ERCC6: variants seen among roughly 807,000 people sequenced by gnomAD.
ERCC6 encodes the protein ERCC excision repair 6, chromatin remodeling factor.
Under a neutral mutation model 158.7 loss-of-function variants are expected in ERCC6, and 116 were observed. The ratio of observed to expected loss-of-function variants is 0.73; its 90% CI spans 0.63 to 0.85. The LOEUF is 0.85. Ranked by LOEUF, ERCC6 falls within the 40% of genes least tolerant of loss-of-function variation. ERCC6 has a pLI of 0.00. For synonymous variants in ERCC6, 678 were observed against 659.3 expected (o/e 1.03, Z -0.43); for missense variants, 1,698 against 1,799.4 (o/e 0.94, Z 1.02).
intron 5 of ERCC6, among the ~76,000 whole-genome samples, chr10:49,513,122 C>T (rs1349563999): frequency 6.6e-6 from 1 of 152,096 alleles, no homozygotes; most frequent in Non-Finnish European, 1.5e-5. Context: ...TGATGTATGC[C>T]AAATATCTTA....
chr10:49,472,343 G>T, intron 16 of ERCC6, 33 bp downstream of exon 16: 1 of 1,580,238 alleles, frequency 6.3e-7, no homozygotes, highest in South Asian at 1.1e-5. Flanking sequence ...CTCTGGGAAC[G>T]CACAGCCAAG....
At position 49,459,242 on chromosome 10, in the gene ERCC6, A is replaced by G. The variant is rs1215137876; in HGVS notation, c.4063-8T>C. 1.2e-6 allele frequency: 2 copies of G among 1,613,746 alleles called. No homozygotes were observed. Among genetic ancestry groups the G allele is most frequent in the Admixed American group, 3.3e-5 (2 of 60,008 alleles). On this transcript the variant is annotated splice_polypyrimidine_tract_variant and splice_region_variant and intron_variant, in intron 20 of 20. Transcript: ENST00000355832. ...CTTTTTCATGATGCCATCCTATAAA[A>G]AGAAGACCACTATACTGATATATTT...
rs4253050 is a variant in ERCC6, at chr10:49,523,802, C to G, written c.1397+231G>C. On this transcript the variant is annotated intron_variant, in intron 5 of 20. Coordinates refer to ENST00000355832, the MANE Select transcript of ERCC6 (RefSeq NM_000124.4). ...CTTCCCTTAAGTTTTTCATCTTAGA[C>G]TTGCCTCCAAATCCAACTAAAGACC... is the stretch of plus-strand genomic sequence containing the variant. Among the ~76,000 whole-genome samples the G allele has an allele frequency of 0.015, 2,223 of 152,124 alleles. 48 individuals carry two copies. The highest frequency in any genetic ancestry group is 0.049 in the African/African-American group (2,053 of 41,482).
chr10:49,498,345 A>G (rs928678638), intron 7 of ERCC6, among the ~76,000 whole-genome samples: 1 of 152,234 alleles, frequency 6.6e-6, no homozygotes, highest in Non-Finnish European at 1.5e-5. Flanking sequence ...CAATGAGGCA[A>G]TAACAGCTCA....
chr10:49,441,987 T>C, the ERCC6 span, among the ~76,000 whole-genome samples: 1 of 152,086 alleles, frequency 6.6e-6, no homozygotes, highest in Non-Finnish European at 1.5e-5. Context: ...AACGGCCTCC[T>C]CCTCCAGGAC....
At chr10:49,537,111 C>T (rs537371877) in intron 1 of ERCC6, among the ~76,000 whole-genome samples, 1 of 151,944 alleles carries the variant, frequency 6.6e-6, no homozygotes, top group Non-Finnish European at 1.5e-5. Context: ...TTTGGGAGGC[C>T]GAGGCGGGAG....
Position 49,506,090 on chromosome 10 carries a change from C to T in ERCC6, c.1398-78G>A, listed in dbSNP as rs868807635. On this transcript the variant is annotated intron_variant, in intron 5 of 20. Coordinates refer to ENST00000355832, the MANE Select transcript of ERCC6 (RefSeq NM_000124.4). ...TAAAAAGATAGCTCCTGATAATGTA[C>T]AAGAAAAAACAGGCAAATTAGAACG... The T allele has an allele frequency of 1.3e-6, 2 of 1,559,010 alleles. No homozygotes were observed. Among genetic ancestry groups the T allele is most frequent in the South Asian group, 1.1e-5 (1 of 89,728 alleles).
intron 8 of ERCC6, among the ~76,000 whole-genome samples, chr10:49,489,591 T>A (rs1851136666): frequency 6.6e-6 from 1 of 152,174 alleles, no homozygotes; most frequent in African/African-American, 2.4e-5. Flanking sequence ...TGCATCTACA[T>A]GTCATGAATT....
downstream of ERCC6, among the ~76,000 whole-genome samples, chr10:49,451,337 T>A (rs187431479): frequency 1.3e-5 from 2 of 152,286 alleles, no homozygotes; most frequent in African/African-American, 4.8e-5. Flanking sequence ...AGTGTGATAA[T>A]GGGCATCCTT....
chr10:49,529,226 T>C (rs1374711387), intron 3 of ERCC6, among the ~76,000 whole-genome samples: 1 of 152,182 alleles, frequency 6.6e-6, no homozygotes, highest in Non-Finnish European at 1.5e-5. Context: ...CAACTTCAAA[T>C]ACGAGTGTGG....
intron 1 of ERCC6, among the ~76,000 whole-genome samples, chr10:49,538,427 G>C (rs1046868206): frequency 6.6e-6 from 1 of 152,226 alleles, no homozygotes; most frequent in Non-Finnish European, 1.5e-5. Flanking sequence ...GATTGGAGGA[G>C]ACAAAGCAAC....
At chr10:49,535,797 T>C (rs923628671) in intron 1 of ERCC6, among the ~76,000 whole-genome samples, 7 of 145,428 alleles carry the variant, frequency 4.8e-5, no homozygotes, top group African/African-American at 7.6e-5. Context: ...CTGAGTGAAT[T>C]TGGATACCAA....
At chr10:49,528,385 G>C in intron 4 of ERCC6, 32 bp downstream of exon 4, 1 of 1,612,358 alleles carries the variant, frequency 6.2e-7, no homozygotes. Context: ...ATCAATTCAA[G>C]AACACAGAGA....
chr10:49,483,024 C>T (rs1345565077), intron 9 of ERCC6, among the ~76,000 whole-genome samples, 161 bp from the exon 10 acceptor site: 1 of 152,024 alleles, frequency 6.6e-6, no homozygotes, highest in Non-Finnish European at 1.5e-5. Flanking sequence ...ATTACAAATC[C>T]TTAATTACAT....
intron 10 of ERCC6, among the ~76,000 whole-genome samples, chr10:49,482,311 T>C (rs892348642): frequency 1.2e-4 from 19 of 152,190 alleles, no homozygotes; most frequent in African/African-American, 4.6e-4. Flanking sequence ...CTACCCCAGT[T>C]TGCAGGACTA....
downstream of ERCC6, among the ~76,000 whole-genome samples, chr10:49,453,779 TC>T (rs1343353352): frequency 1.3e-5 from 2 of 150,608 alleles, no homozygotes; most frequent in Non-Finnish European, 3.0e-5. Context: ...AGTTTTTTTT[TC>T]TTCAAGCACT....
chr10:49,442,259 G>A, the ERCC6 span, among the ~76,000 whole-genome samples: 7 of 152,234 alleles, frequency 4.6e-5, no homozygotes, highest in Non-Finnish European at 8.8e-5. Context: ...CCGCCCTCTC[G>A]CGCTCTCTGC....
intron 5 of ERCC6, chr10:49,515,294 T>A: frequency 6.4e-7 from 1 of 1,569,760 alleles, no homozygotes; most frequent in Non-Finnish European, 8.6e-7. Flanking sequence ...ACATAATGTA[T>A]AAAACTATGT....
intron 18 of ERCC6, among the ~76,000 whole-genome samples, chr10:49,466,074 A>G (rs1209695029): frequency 6.6e-6 from 1 of 152,206 alleles, no homozygotes; most frequent in African/African-American, 2.4e-5. Context: ...AGGAAACCCT[A>G]AAGTGGAATA....
Sources: allele counts gnomAD v4.1 joint callset (sites outside exome capture counted in the v4.1 genomes callset), GRCh38; gene constraint gnomAD v4.1.1; transcripts MANE v1.5; gene names NCBI Gene and HGNC (gene_info 2026-07-23, HGNC 2026-07-21).